CLCN3: variants seen among roughly 807,000 people sequenced by gnomAD.
The protein encoded by CLCN3 is Cl-/H+ antiporter 3.
In CLCN3, 16 loss-of-function variants were observed where a neutral mutation model predicts 83.4. The ratio of observed to expected loss-of-function variants is 0.19; its 90% CI spans 0.13 to 0.29. CLCN3 has a LOEUF of 0.29. Ranked by LOEUF, CLCN3 falls within the 10% of genes least tolerant of loss-of-function variation. The pLI is 1.00. For missense variants in CLCN3, 544 were observed against 1,006.0 expected (o/e 0.54, Z 6.21); for synonymous variants, 322 against 346.2 (o/e 0.93, Z 0.78).
At chr4:169,625,860 A>G (rs1773220710) in intron 1 of CLCN3, among the ~76,000 whole-genome samples, 1 of 152,254 alleles carries the variant, frequency 6.6e-6, no homozygotes, top group Admixed American at 6.5e-5. Flanking sequence ...CAACACAACA[A>G]TAATTAACAC....
chr4:169,647,881 T>C (rs1161841194), intron 2 of CLCN3, among the ~76,000 whole-genome samples: 1 of 152,166 alleles, frequency 6.6e-6, no homozygotes, highest in Non-Finnish European at 1.5e-5. Context: ...CTTAGCCAAA[T>C]AGTGAACATT....
chr4:169,640,111 C>T (rs1730362625), intron 2 of CLCN3, among the ~76,000 whole-genome samples: 1 of 152,200 alleles, frequency 6.6e-6, no homozygotes, highest in African/African-American at 2.4e-5. Flanking sequence ...AGCAGTGTGA[C>T]TGGCTTATGG....
At chr4:169,634,041 T>G (rs999487029) in intron 1 of CLCN3, among the ~76,000 whole-genome samples, 1 of 152,134 alleles carries the variant, frequency 6.6e-6, no homozygotes, top group African/African-American at 2.4e-5. Context: ...GGAGCAGAGT[T>G]GCATGCTTGT....
In CLCN3 at chr4:169,676,828, T is replaced by C. The variant is rs182384009; in HGVS notation, c.161-3222T>C. Among the ~76,000 whole-genome samples the C allele has an allele frequency of 3.9e-5, 6 of 152,180 alleles. No homozygotes were observed. The East Asian group carries it at 1.2e-3, about 29-fold the overall frequency. ...GCTCTTTTTCTAATAGCAATATAAA[T>C]TGTCTTTTACAGACTATACTCATAT... On this transcript the variant is annotated intron_variant, in intron 2 of 12. Coordinates refer to ENST00000513761, the MANE Select transcript of CLCN3 (RefSeq NM_001829.4).
chr4:169,696,415 A>AT (rs1012995089), intron 8 of CLCN3, among the ~76,000 whole-genome samples: 2 of 151,308 alleles, frequency 1.3e-5, no homozygotes, highest in African/African-American at 2.4e-5. Context: ...TTTTTTTTTA[A>AT]TTTTTTTTGA....
chr4:169,668,043 AT>A (rs60739106), intron 2 of CLCN3, among the ~76,000 whole-genome samples: 632 of 82,326 alleles, frequency 7.7e-3, no homozygotes, highest in African/African-American at 0.018. Flanking sequence ...CCGGCCAGAC[AT>A]TTTTTTTTTT....
intron 2 of CLCN3, among the ~76,000 whole-genome samples, chr4:169,652,944 C>T (rs1459219113): frequency 6.6e-6 from 1 of 152,132 alleles, no homozygotes; most frequent in African/African-American, 2.4e-5. Flanking sequence ...GAGTGTCTAT[C>T]TTACAGATTT....
At chr4:169,634,966 C>CT (rs1467267696) in intron 1 of CLCN3, among the ~76,000 whole-genome samples, 1 of 152,086 alleles carries the variant, frequency 6.6e-6, no homozygotes, top group African/African-American at 2.4e-5. Context: ...TATTAAAGCT[C>CT]TTTGAGGTTA....
In CLCN3 at chr4:169,696,613, C is replaced by T. The variant is rs115214435; in HGVS notation, c.1018-576C>T. ...TATAATACATATTATTAACTGTGGTCATCTTACTGTGCAATAGAACACCAG... is the reference window on the plus strand; with the variant it reads ...TATAATACATATTATTAACTGTGGTTATCTTACTGTGCAATAGAACACCAG... On this transcript the variant is annotated intron_variant, in intron 8 of 12. Transcript: ENST00000513761. 2.7e-3 allele frequency among the ~76,000 whole-genome samples: 414 copies of T among 151,992 alleles called. 3 individuals carry two copies. The highest frequency in any genetic ancestry group is 9.5e-3 in the African/African-American group (392 of 41,472).
At chr4:169,688,296 A>C (rs1581251733) in intron 4 of CLCN3, among the ~76,000 whole-genome samples, 1 of 152,134 alleles carries the variant, frequency 6.6e-6, no homozygotes, top group Admixed American at 6.5e-5. Context: ...CCCCTTCATC[A>C]CCCTGCTATA....
chr4:169,693,600 T>C (rs1020612199), intron 7 of CLCN3, among the ~76,000 whole-genome samples: 22 of 152,326 alleles, frequency 1.4e-4, no homozygotes, highest in African/African-American at 5.3e-4. Context: ...CTTACGACTA[T>C]GTGGGTATAT....
intron 2 of CLCN3, among the ~76,000 whole-genome samples, chr4:169,639,193 C>A (rs907998720): frequency 3.3e-5 from 5 of 152,240 alleles, no homozygotes; most frequent in Admixed American, 3.3e-4. Flanking sequence ...CTAGACCCAG[C>A]TAATTTTTTA....
At chr4:169,668,256 A>G (rs948469126) in intron 2 of CLCN3, among the ~76,000 whole-genome samples, 3 of 151,824 alleles carry the variant, frequency 2.0e-5, no homozygotes, top group African/African-American at 7.3e-5. Flanking sequence ...CTCAGATGAT[A>G]TAGCCTCCTG....
chr4:169,663,841 A>G (rs1372782389), intron 2 of CLCN3, among the ~76,000 whole-genome samples: 1 of 152,202 alleles, frequency 6.6e-6, no homozygotes, highest in Non-Finnish European at 1.5e-5. Flanking sequence ...TCTTCATAGT[A>G]ACTTGTGTTT....
intron 11 of CLCN3, 25 bp downstream of exon 11, chr4:169,707,291 G>T: frequency 6.8e-7 from 1 of 1,472,668 alleles, no homozygotes; most frequent in Non-Finnish European, 9.2e-7. Flanking sequence ...ATATATATAT[G>T]TATATATGAG....
chr4:169,717,957 T>A, intron 12 of CLCN3: 1 of 779,942 alleles, frequency 1.3e-6, no homozygotes, highest in South Asian at 1.7e-5. Context: ...CTTTCCCAGA[T>A]ATCTGCTGAA....
In CLCN3 at chr4:169,674,040, A is replaced by G. The variant is rs150684853; in HGVS notation, c.161-6010A>G. ...AGAACATTTACATTGATACCATACT[A>G]TGACATGATCTGCAGACCATTTTCC... On this transcript the variant is annotated intron_variant, in intron 2 of 12. Transcript: ENST00000513761. Among the ~76,000 whole-genome samples, 143 of 152,344 alleles carry G rather than the reference A, an allele frequency of 9.4e-4. 1 individual carries two copies. The East Asian group carries it at 0.024, about 26-fold the overall frequency.
At chr4:169,696,359 A>G (rs1201072881) in intron 8 of CLCN3, among the ~76,000 whole-genome samples, 3 of 152,118 alleles carry the variant, frequency 2.0e-5, no homozygotes, top group Non-Finnish European at 4.4e-5. Flanking sequence ...TGTTTTCTTA[A>G]TAGGTGTTTA....
intron 1 of CLCN3, among the ~76,000 whole-genome samples, chr4:169,630,833 C>T (rs1560826284): frequency 6.6e-6 from 1 of 152,084 alleles, no homozygotes; most frequent in Non-Finnish European, 1.5e-5. Flanking sequence ...CCAGCCTGTA[C>T]CATATTTTCT....
Sources: gnomAD v4.1 joint callset for allele counts (sites outside exome capture counted in the v4.1 genomes callset) on GRCh38, gnomAD v4.1.1 for gene constraint, MANE v1.5 for transcripts, NCBI Gene and HGNC (gene_info 2026-07-23, HGNC 2026-07-21) for gene names.